Variants in SPAG16 observed in about 807,000 individuals in gnomAD.
The protein encoded by SPAG16 is sperm-associated antigen 16 protein.
In SPAG16, 86 loss-of-function variants were observed where a neutral mutation model predicts 80.4. The observed-to-expected ratio is 1.07, with a 90% CI of 0.90 to 1.28. The LOEUF (loss-of-function observed/expected upper bound fraction) is 1.28, where lower values mean the gene tolerates loss of function less well. SPAG16 is among the 50% of genes most tolerant of loss of function. The pLI is 0.00. For synonymous variants in SPAG16, 294 were observed against 265.9 expected, an observed-to-expected ratio of 1.11 and a Z score of -1.03; for missense variants, 870 against 765.3, an observed-to-expected ratio of 1.14 and a Z score of -1.61.
chr2:214,276,071 CT>C (rs1692441620), intron 15 of SPAG16, among the ~76,000 whole-genome samples: 2 of 152,068 alleles, frequency 1.3e-5, no homozygotes, highest in African/African-American at 4.8e-5. Context: ...CTCATTTGAT[CT>C]TTGTTGGTTT....
intron 9 of SPAG16, among the ~76,000 whole-genome samples, chr2:213,428,568 T>C (rs910233417): frequency 6.6e-6 from 1 of 152,144 alleles, no homozygotes; most frequent in Non-Finnish European, 1.5e-5. Context: ...CAGCCAAAAC[T>C]GAGAGATGAG....
chr2:213,325,970 A>T (rs1000171067), intron 5 of SPAG16, among the ~76,000 whole-genome samples: 4 of 151,908 alleles, frequency 2.6e-5, no homozygotes, highest in Non-Finnish European at 5.9e-5. Context: ...AGAGCAGTTA[A>T]TTGGTGATTT....
chr2:213,984,546 A>T (rs1575732603), intron 12 of SPAG16, among the ~76,000 whole-genome samples: 2 of 152,178 alleles, frequency 1.3e-5, no homozygotes, highest in South Asian at 4.1e-4. Context: ...GTGTCTCCAA[A>T]ACCCAGCACA....
chr2:214,340,298 A>G (rs1326542993), intron 15 of SPAG16, among the ~76,000 whole-genome samples: 1 of 152,202 alleles, frequency 6.6e-6, no homozygotes, highest in Non-Finnish European at 1.5e-5. Context: ...TCCTTTCTTC[A>G]TACATTTAAC....
intron 13 of SPAG16, among the ~76,000 whole-genome samples, chr2:214,030,213 T>A (rs1359398438): frequency 6.6e-6 from 1 of 152,200 alleles, no homozygotes. Flanking sequence ...CTCATCTAAG[T>A]GGAATCACAC....
At chr2:213,982,135 A>C (rs1188405256) in intron 12 of SPAG16, among the ~76,000 whole-genome samples, 1 of 149,480 alleles carries the variant, frequency 6.7e-6, no homozygotes, top group Non-Finnish European at 1.5e-5. Flanking sequence ...AGTTAGTACT[A>C]CATTCAATTT....
intron 15 of SPAG16, among the ~76,000 whole-genome samples, chr2:214,329,809 G>A (rs1453822824): frequency 1.3e-5 from 2 of 152,038 alleles, no homozygotes; most frequent in Non-Finnish European, 2.9e-5. Context: ...ATCTTAACCT[G>A]GAGAAATATC....
At chr2:213,359,603 G>C (rs1447367832) in intron 7 of SPAG16, among the ~76,000 whole-genome samples, 1 of 152,212 alleles carries the variant, frequency 6.6e-6, no homozygotes, top group Non-Finnish European at 1.5e-5. Context: ...AAAATCTCCT[G>C]GTCTGCCAGT....
chr2:213,453,311 A>G (rs2071812157), intron 9 of SPAG16, among the ~76,000 whole-genome samples: 2 of 152,322 alleles, frequency 1.3e-5, no homozygotes, highest in African/African-American at 4.8e-5. Flanking sequence ...CAAGTCAATG[A>G]ATATAAAGTG....
In SPAG16 at chr2:214,075,825, A is replaced by G. The variant is rs534996485; in HGVS notation, c.1528-32371A>G. Among the ~76,000 whole-genome samples the G allele has an allele frequency of 5.7e-4, 87 of 152,292 alleles. No individual in the cohort carries two copies. In the South Asian group the frequency reaches 6.0e-3, roughly 11 times the overall value. The stretch of plus-strand genomic sequence containing the variant: ...TGTGCTTAAGGAAATGCATTCTTAT[A>G]TCTAAAGTAAGGATGAACAGATTGT... On this transcript the variant is annotated intron_variant, in intron 13 of 15. Coordinates refer to ENST00000331683, the MANE Select transcript of SPAG16 (RefSeq NM_024532.5).
At chr2:213,867,232 G>A (rs1200272202) in intron 11 of SPAG16, among the ~76,000 whole-genome samples, 3 of 152,168 alleles carry the variant, frequency 2.0e-5, no homozygotes, top group African/African-American at 7.2e-5. Context: ...CATTTACTTG[G>A]TAGACTGATG....
Position 213,284,613 on chromosome 2 carries a change from C to T in SPAG16, c.130C>T (p.Leu44=). 2 of 1,609,560 alleles carry T rather than the reference C, an allele frequency of 1.2e-6. No individual in the cohort carries two copies. Among genetic ancestry groups the T allele is most frequent in the Non-Finnish European group, 1.7e-6 (2 of 1,178,752 alleles). ...DAVAAEGAYY[L]EQVTITEASE... is the part of the protein sequence containing the mutation. ...GGTGGCGGCTGAGGGCGCCTACTAC[C>T]TGGAACGTATCCTTCCCGTGGAGGC... Residue 44 remains leucine (L), a synonymous_variant, in exon 1 of 16, where the codon CTG becomes TTG. Coordinates refer to ENST00000331683, the MANE Select transcript of SPAG16 (RefSeq NM_024532.5).
chr2:213,695,438 T>A (rs1312505162), intron 10 of SPAG16, among the ~76,000 whole-genome samples: 2 of 152,194 alleles, frequency 1.3e-5, no homozygotes, highest in East Asian at 3.8e-4. Context: ...ATCACCTAGT[T>A]TGTGACAGGT....
intron 9 of SPAG16, among the ~76,000 whole-genome samples, chr2:213,378,478 C>G (rs905784095): frequency 3.3e-5 from 5 of 152,150 alleles, no homozygotes; most frequent in African/African-American, 1.2e-4. Flanking sequence ...GTCCCCAACT[C>G]AAATACTATT....
intron 10 of SPAG16, among the ~76,000 whole-genome samples, chr2:213,747,629 T>C (rs1381988220): frequency 6.6e-6 from 1 of 152,236 alleles, no homozygotes; most frequent in East Asian, 1.9e-4. Context: ...TTCGGTATGG[T>C]AACATGCTAT....
chr2:213,522,105 C>T (rs1185392471), intron 10 of SPAG16, among the ~76,000 whole-genome samples: 2 of 152,144 alleles, frequency 1.3e-5, no homozygotes, highest in Non-Finnish European at 2.9e-5. Context: ...TATCTTTTTC[C>T]TGTGGCTGGC....
At chr2:213,564,831 G>A (rs960480785) in intron 10 of SPAG16, among the ~76,000 whole-genome samples, 13 of 152,048 alleles carry the variant, frequency 8.5e-5, no homozygotes, top group Admixed American at 1.3e-4. Flanking sequence ...GAAACTGAAC[G>A]TAAAACAATT....
chr2:214,069,363 G>A (rs2050680576), intron 13 of SPAG16, among the ~76,000 whole-genome samples: 1 of 152,098 alleles, frequency 6.6e-6, no homozygotes, highest in African/African-American at 2.4e-5. Context: ...ATTTCAACCG[G>A]AGCGATGTCT....
intron 15 of SPAG16, among the ~76,000 whole-genome samples, chr2:214,304,502 G>A (rs975526374): frequency 6.6e-6 from 1 of 152,174 alleles, no homozygotes; most frequent in Admixed American, 6.5e-5. Context: ...TCCCATAAGG[G>A]ATACTTTTAG....
Sources: gnomAD v4.1 joint callset for allele counts (sites outside exome capture counted in the v4.1 genomes callset) on GRCh38, gnomAD v4.1.1 for gene constraint, MANE v1.5 for transcripts, NCBI Gene and HGNC (gene_info 2026-07-23, HGNC 2026-07-21) for gene names.